Variants in LRRC8D observed in about 807,000 individuals in gnomAD.
LRRC8D encodes leucine rich repeat containing 8 VRAC subunit D, also known as volume-regulated anion channel subunit LRRC8D.
A neutral mutation model predicts 55.8 loss-of-function variants in LRRC8D; 20 were observed. The ratio of observed to expected loss-of-function variants is 0.36; its 90% CI spans 0.25 to 0.52. LRRC8D has a LOEUF of 0.52. Ranked by LOEUF, LRRC8D falls within the 20% of genes least tolerant of loss-of-function variation. The pLI is 0.93. For missense variants in LRRC8D, 651 were observed against 1,030.8 expected (o/e 0.63, Z 5.05); for synonymous variants, 352 against 377.0 (o/e 0.93, Z 0.77).
chr1:89,856,495 A>G (rs1363616684), intron 2 of LRRC8D, among the ~76,000 whole-genome samples: 1 of 152,208 alleles, frequency 6.6e-6, no homozygotes, highest in Admixed American at 6.5e-5. Context: ...GGAGCAGTAT[A>G]TGCCTGCAGT....
chr1:89,834,477 A>G (rs1251409707), intron 1 of LRRC8D, among the ~76,000 whole-genome samples: 1 of 152,188 alleles, frequency 6.6e-6, no homozygotes, highest in Non-Finnish European at 1.5e-5. Context: ...TAAATAACCC[A>G]CTCAAGGATA....
chr1:89,828,840 A>C (rs923028912), intron 1 of LRRC8D, among the ~76,000 whole-genome samples: 1 of 152,132 alleles, frequency 6.6e-6, no homozygotes, highest in Non-Finnish European at 1.5e-5. Flanking sequence ...CCAACAATGC[A>C]TAAATCCCAT....
intron 1 of LRRC8D, among the ~76,000 whole-genome samples, chr1:89,835,023 G>A (rs1191054503): frequency 2.0e-5 from 3 of 152,208 alleles, no homozygotes; most frequent in South Asian, 2.1e-4. Context: ...AAATAATTTT[G>A]CCTTGATCTC....
intron 2 of LRRC8D, among the ~76,000 whole-genome samples, chr1:89,918,677 C>G (rs1663336720): frequency 6.6e-6 from 1 of 152,180 alleles, no homozygotes; most frequent in South Asian, 2.1e-4. Context: ...TTACCTTTGT[C>G]TTTGTTTTCC....
intron 2 of LRRC8D, among the ~76,000 whole-genome samples, chr1:89,927,181 T>C (rs1036571909): frequency 5.9e-5 from 9 of 152,382 alleles, no homozygotes; most frequent in Admixed American, 5.9e-4. Flanking sequence ...CAGGCTTCCC[T>C]GGCATGTAAT....
chr1:89,857,752 C>T (rs1366292278), intron 2 of LRRC8D, among the ~76,000 whole-genome samples: 3 of 152,182 alleles, frequency 2.0e-5, no homozygotes, highest in Non-Finnish European at 4.4e-5. Context: ...AAAATTGAAT[C>T]CTCAGAATGA....
chr1:89,843,474 G>C, intron 1 of LRRC8D, 164 bp from the exon 2 acceptor site: 1 of 445,394 alleles, frequency 2.2e-6, no homozygotes, highest in Non-Finnish European at 4.1e-6. Context: ...CGGGCAGCCG[G>C]TGCGGCGGGG....
intron 2 of LRRC8D, among the ~76,000 whole-genome samples, chr1:89,899,124 G>T (rs999740834): frequency 1.3e-5 from 2 of 152,218 alleles, no homozygotes; most frequent in African/African-American, 2.4e-5. Context: ...AACAATTCAG[G>T]TGTAGATTCA....
intron 2 of LRRC8D, among the ~76,000 whole-genome samples, chr1:89,847,586 G>A (rs1005672137): frequency 2.0e-5 from 3 of 152,042 alleles, no homozygotes; most frequent in Non-Finnish European, 2.9e-5. Flanking sequence ...TGGCCAAGAG[G>A]GGACTAGGAG....
intron 1 of LRRC8D, among the ~76,000 whole-genome samples, chr1:89,842,121 G>A (rs747937131): frequency 5.9e-5 from 9 of 151,392 alleles, no homozygotes; most frequent in Non-Finnish European, 1.3e-4. Context: ...GCTGAGGCAG[G>A]AGAATCGTTT....
At chr1:89,829,248 A>G (rs949545022) in intron 1 of LRRC8D, among the ~76,000 whole-genome samples, 6 of 152,352 alleles carry the variant, frequency 3.9e-5, no homozygotes, top group Admixed American at 6.5e-5. Context: ...GAACACCTAA[A>G]GTTATTAATA....
intron 2 of LRRC8D, among the ~76,000 whole-genome samples, chr1:89,866,358 A>AG (rs982197314): frequency 6.6e-6 from 1 of 152,222 alleles, no homozygotes; most frequent in African/African-American, 2.4e-5. Flanking sequence ...GGTATTGCTA[A>AG]GGGGGTCATT....
chr1:89,824,528 C>T (rs1488147504), intron 1 of LRRC8D, among the ~76,000 whole-genome samples: 1 of 152,192 alleles, frequency 6.6e-6, no homozygotes, highest in Non-Finnish European at 1.5e-5. Context: ...TGAACTTCTC[C>T]TGAAGACAGG....
chr1:89,894,394 G>T (rs1009444556), intron 2 of LRRC8D, among the ~76,000 whole-genome samples: 7 of 152,202 alleles, frequency 4.6e-5, no homozygotes, highest in African/African-American at 7.2e-5. Flanking sequence ...TAGCACAAGG[G>T]TATGAAGGGA....
chr1:89,833,688 T>A (rs2100716147), intron 1 of LRRC8D: 1 of 152,330 alleles, frequency 6.6e-6, no homozygotes, highest in Non-Finnish European at 1.5e-5. Flanking sequence ...GACAGTATTT[T>A]ATTCACAATA....
intron 1 of LRRC8D, among the ~76,000 whole-genome samples, chr1:89,825,134 A>G (rs929777385): frequency 6.6e-6 from 1 of 152,140 alleles, no homozygotes; most frequent in African/African-American, 2.4e-5. Context: ...TTCTAATTAT[A>G]TCAGAGAGGA....
At chr1:89,831,910 T>TTCCCCCATCC (rs1660895797) in intron 1 of LRRC8D, among the ~76,000 whole-genome samples, 3 of 152,160 alleles carry the variant, frequency 2.0e-5, no homozygotes, top group Admixed American at 2.0e-4. Flanking sequence ...ACTATGACAT[T>TTCCCCCATCC]GAGCGGGTAT....
intron 2 of LRRC8D, among the ~76,000 whole-genome samples, chr1:89,862,707 T>TG (rs1287497670): frequency 6.6e-6 from 1 of 152,250 alleles, no homozygotes; most frequent in Non-Finnish European, 1.5e-5. Flanking sequence ...AAACTGGAAC[T>TG]GGATCCCAGG....
chr1:89,859,340 G>A (rs1390078606), intron 2 of LRRC8D, among the ~76,000 whole-genome samples: 5 of 152,020 alleles, frequency 3.3e-5, no homozygotes, highest in East Asian at 3.9e-4. Context: ...AAAATTCTAG[G>A]AGTTGTTACT....
Sources: allele counts gnomAD v4.1 joint callset (sites outside exome capture counted in the v4.1 genomes callset), GRCh38; gene constraint gnomAD v4.1.1; transcripts MANE v1.5; gene names NCBI Gene and HGNC (gene_info 2026-07-23, HGNC 2026-07-21).